Variants in SYNJ2 observed in about 807,000 individuals in gnomAD.
SYNJ2 encodes the protein polyphosphatidylinositol phosphatase SYNJ2.
Under a neutral mutation model 141.3 loss-of-function variants are expected in SYNJ2, and 116 were observed. That is an observed-to-expected ratio of 0.82 (90% CI 0.71 to 0.96). SYNJ2 has a LOEUF of 0.96. SYNJ2 is among the 40% of genes least tolerant of loss of function. The pLI, the probability that SYNJ2 is intolerant of heterozygous loss-of-function variation, is 0.00. For missense variants in SYNJ2, 1,873 were observed against 1,934.8 expected (o/e 0.97, Z 0.60); for synonymous variants, 745 against 777.7 (o/e 0.96, Z 0.70).
chr6:158,052,700 A>G (rs1009941829), intron 5 of SYNJ2, among the ~76,000 whole-genome samples: 5 of 152,164 alleles, frequency 3.3e-5, no homozygotes, highest in Non-Finnish European at 7.3e-5. Flanking sequence ...ATATGATCCA[A>G]ACACCTCCCA....
At chr6:158,079,809 G>A (rs1435057670) in intron 18 of SYNJ2, among the ~76,000 whole-genome samples, 1 of 149,152 alleles carries the variant, frequency 6.7e-6, no homozygotes, top group African/African-American at 2.6e-5. Context: ...ATTTCTTGAG[G>A]GGCCCTTACA....
upstream of SYNJ2, among the ~76,000 whole-genome samples, chr6:157,981,603 C>T (rs1433856097): frequency 2.6e-5 from 4 of 152,026 alleles, no homozygotes; most frequent in Non-Finnish European, 5.9e-5. The surrounding 1 kb of genome is among the most constrained non-coding windows in gnomAD (Gnocchi z 6.4). Context: ...CCCGGGGTCG[C>T]CCCGCGCGGG....
chr6:158,080,581 T>C (rs1782615223), intron 18 of SYNJ2, among the ~76,000 whole-genome samples: 1 of 151,768 alleles, frequency 6.6e-6, no homozygotes, highest in African/African-American at 2.4e-5. Flanking sequence ...TCTGAATCCC[T>C]GGTCATTTCC....
At chr6:158,054,619 AGTTGGCTTCACT>A (rs1249694279) in intron 5 of SYNJ2, among the ~76,000 whole-genome samples, 1 of 152,250 alleles carries the variant, frequency 6.6e-6, no homozygotes, top group Non-Finnish European at 1.5e-5. Flanking sequence ...CTGTCTCCAC[AGTTGGCTTCACT>A]GACCTCTGTG....
chr6:158,082,620 C>T (rs1448854581), intron 20 of SYNJ2, among the ~76,000 whole-genome samples: 1 of 152,092 alleles, frequency 6.6e-6, no homozygotes, highest in African/African-American at 2.4e-5. Context: ...TGAGATCGTG[C>T]CACTGCACTC....
rs201735139 is a variant in SYNJ2, at chr6:158,061,429, TC to T, written c.955-559del. 6.2e-3 allele frequency among the ~76,000 whole-genome samples: 942 copies of T among 152,256 alleles called. 33 individuals carry two copies. Among genetic ancestry groups the T allele is most frequent in the Admixed American group, 0.054 (831 of 15,302 alleles). ...AGCCCCTTGACCTGCTTCCCATCTC[TC>T]CCCACCTTCACTCTGGCTCCCTGAC... On this transcript the variant is annotated intron_variant, in intron 7 of 26. Coordinates refer to ENST00000355585, the MANE Select transcript of SYNJ2 (RefSeq NM_003898.4).
chr6:158,022,700 T>C (rs1164731361), intron 2 of SYNJ2, among the ~76,000 whole-genome samples: 1 of 152,194 alleles, frequency 6.6e-6, no homozygotes, highest in Non-Finnish European at 1.5e-5. Flanking sequence ...ATGAGATCCT[T>C]GATGGTTTCA....
Position 158,089,884 on chromosome 6 carries a change from A to G in SYNJ2, c.3502A>G (p.Ile1168Val), listed in dbSNP as rs1014332934. 1.2e-6 allele frequency: 2 copies of G among 1,614,044 alleles called. No homozygotes were observed. The highest frequency in any genetic ancestry group is 1.3e-5 in the African/African-American group (1 of 74,924). The part of the protein sequence containing the change: ...GISKPYNVKQ[I>V]KTTNAQEAEA... ...AAGTAAACCTTATAATGTCAAGCAGATCAAAACCACCAATGCCCAGGAGGC... is the reference window on the plus strand; with the variant it reads ...AAGTAAACCTTATAATGTCAAGCAGGTCAAAACCACCAATGCCCAGGAGGC... Residue 1168 changes from isoleucine (I) to valine (V), a missense_variant, in exon 25 of 27, where the codon ATC becomes GTC. Transcript: ENST00000355585.
At chr6:158,052,114 A>G (rs1371534616) in intron 5 of SYNJ2, among the ~76,000 whole-genome samples, 1 of 152,338 alleles carries the variant, frequency 6.6e-6, no homozygotes, top group East Asian at 1.9e-4. Flanking sequence ...GAGTTATACA[A>G]TGATACATGA....
chr6:158,086,990 G>A lies in SYNJ2; in HGVS notation c.3343+1G>A, dbSNP rs1007051510. On this transcript the variant is annotated splice_donor_variant, in intron 23 of 26. Transcript: ENST00000355585. LOFTEE classifies it high-confidence loss of function. ...CCCCCGCAGAGACCCCCCCCTCCAA[G>A]TAAGACTCTGCTTGCTTTCAGCTCC... is the stretch of plus-strand genomic sequence containing the variant. The A allele has an allele frequency of 8.2e-6, 13 of 1,586,154 alleles. 1 individual carries two copies. Among genetic ancestry groups the A allele is most frequent in the Non-Finnish European group, 1.1e-5 (13 of 1,172,326 alleles).
intron 1 of SYNJ2, among the ~76,000 whole-genome samples, chr6:158,015,918 A>G (rs1357096659): frequency 6.6e-6 from 1 of 152,216 alleles, no homozygotes; most frequent in African/African-American, 2.4e-5. Flanking sequence ...TGTTTCTAAA[A>G]TATATTTTCA....
chr6:158,063,595 G>T (rs1190218562), intron 8 of SYNJ2, among the ~76,000 whole-genome samples, 196 bp from the exon 9 acceptor site: 1 of 140,488 alleles, frequency 7.1e-6, no homozygotes, highest in Non-Finnish European at 1.5e-5. Flanking sequence ...GGAGGCGGAG[G>T]TTGCAGTGAG....
chr6:158,047,774 C>CAAAAAAAA (rs58147972), intron 5 of SYNJ2, among the ~76,000 whole-genome samples: 635 of 32,374 alleles, frequency 0.02, 106 homozygotes, highest in African/African-American at 0.021. Flanking sequence ...GCGACTCTGT[C>CAAAAAAAA]AAAAAAAAAA....
At chr6:158,094,028 C>T (rs761980268) in intron 26 of SYNJ2, 12 of 764,186 alleles carry the variant, frequency 1.6e-5, no homozygotes, top group Admixed American at 5.1e-5. Context: ...GTTCTAGTAA[C>T]GGACCCTCGG....
At position 157,982,928 on chromosome 6, in the gene SYNJ2, C is replaced by A. The variant is rs549243994; in HGVS notation, c.127+840C>A. On this transcript the variant is annotated intron_variant, in intron 1 of 26. Transcript: ENST00000355585. This position sits in a 1 kb window ranked among gnomAD's most constrained non-coding sequence, Gnocchi z 4.0. Reference sequence around the variant, plus strand: ...ACCTGGGTCCCTTGTTTTGTGCTAACCATTATAAGGAAAACCTGGGTAGCA... The same window carrying A: ...ACCTGGGTCCCTTGTTTTGTGCTAAACATTATAAGGAAAACCTGGGTAGCA... Among the ~76,000 whole-genome samples the A allele has an allele frequency of 1.1e-4, 16 of 152,292 alleles. No homozygotes were observed. Among genetic ancestry groups the A allele is most frequent in the Admixed American group, 2.6e-4 (4 of 15,292 alleles).
At chr6:158,073,805 AG>A (rs1242617341) in intron 15 of SYNJ2, among the ~76,000 whole-genome samples, 1 of 152,028 alleles carries the variant, frequency 6.6e-6, no homozygotes, top group Non-Finnish European at 1.5e-5. Context: ...GGAGAAGAGA[AG>A]CTGATTTTGG....
At chr6:158,080,228 A>C (rs1379826057) in intron 18 of SYNJ2, among the ~76,000 whole-genome samples, 1 of 152,166 alleles carries the variant, frequency 6.6e-6, no homozygotes, top group Non-Finnish European at 1.5e-5. Context: ...TTATCCCAGC[A>C]CTTTGGGAGG....
At chr6:158,087,038 C>T (rs753304635) in intron 23 of SYNJ2, 49 bp downstream of exon 23, 1 of 1,571,788 alleles carries the variant, frequency 6.4e-7, no homozygotes, top group Non-Finnish European at 8.6e-7. Context: ...CAGGAATAAC[C>T]GCGCGTTCCC....
At chr6:158,020,135 C>T (rs113587485) in intron 2 of SYNJ2, among the ~76,000 whole-genome samples, 5 of 125,218 alleles carry the variant, frequency 4.0e-5, no homozygotes, top group East Asian at 2.4e-4. Context: ...TGTGACTCTG[C>T]GTGACTCCAA....
Sources: allele counts gnomAD v4.1 joint callset (sites outside exome capture counted in the v4.1 genomes callset), GRCh38; gene constraint gnomAD v4.1.1; non-coding constraint Gnocchi (gnomAD v3.1); transcripts MANE v1.5; gene names NCBI Gene and HGNC (gene_info 2026-07-23, HGNC 2026-07-21).